The following NEMF variants were observed in gnomAD, a reference collection of about 807,000 sequenced individuals.
NEMF encodes the protein nuclear export mediator factor.
In NEMF, 89 loss-of-function variants were observed where a neutral mutation model predicts 162.2. The observed-to-expected ratio is 0.55, with a 90% CI of 0.46 to 0.65. The LOEUF is 0.65. NEMF is among the 30% of genes least tolerant of loss of function. The probability of loss-of-function intolerance (pLI) is 0.00; values close to 1 mark genes in which losing one functional copy is unlikely to be tolerated. For synonymous variants in NEMF, 421 were observed against 404.5 expected (o/e 1.04, Z -0.49); for missense variants, 1,133 against 1,261.9 (o/e 0.90, Z 1.55).
chr14:49,798,915 A>G (rs900287623), intron 25 of NEMF, among the ~76,000 whole-genome samples: 1 of 151,858 alleles, frequency 6.6e-6, no homozygotes, highest in African/African-American at 2.4e-5. Context: ...TCAAAAAAAA[A>G]GAAAATGTTA....
At chr14:49,800,317 G>A (rs1428790094) in intron 23 of NEMF, 103 bp downstream of exon 23, 2 of 863,320 alleles carry the variant, frequency 2.3e-6, no homozygotes, top group East Asian at 2.6e-5. Context: ...AGACAATGGA[G>A]TGTAAAAGTA....
intron 1 of NEMF, among the ~76,000 whole-genome samples, chr14:49,852,303 C>T (rs1227697785): frequency 6.6e-6 from 1 of 152,252 alleles, no homozygotes; most frequent in Non-Finnish European, 1.5e-5. Flanking sequence ...TGCTCTCTCT[C>T]TCTCTGGGGT....
rs902301516 is a variant in NEMF, at chr14:49,826,283, T to C, written c.1489-328A>G. Among the ~76,000 whole-genome samples the C allele has an allele frequency of 4.9e-4, 75 of 152,076 alleles. 1 individual carries two copies. Among genetic ancestry groups the C allele is most frequent in the African/African-American group, 1.7e-3 (72 of 41,398 alleles). On this transcript the variant is annotated intron_variant, in intron 15 of 32. Transcript: ENST00000298310. The stretch of plus-strand genomic sequence containing the variant: ...GTTCTAGGCTAGATGCCATTAGAGA[T>C]ATAAGAGTGAACAAGATGGACAAAG...
intron 4 of NEMF, among the ~76,000 whole-genome samples, chr14:49,844,431 C>T (rs183750924): frequency 4.1e-4 from 62 of 152,214 alleles, no homozygotes; most frequent in African/African-American, 1.5e-3. Context: ...CAGACCAGTT[C>T]CAGTCTGCGG....
At chr14:49,833,107 A>T (rs1036209056) in intron 8 of NEMF, among the ~76,000 whole-genome samples, 2 of 152,086 alleles carry the variant, frequency 1.3e-5, no homozygotes, top group African/African-American at 4.8e-5. Flanking sequence ...CTCTACTGAA[A>T]ATATAAAAAC....
chr14:49,782,609 A>T lies in NEMF; in HGVS notation c.*2027T>A. ...TCTCTTGTACGGTAAGTAACTTTGT[A>T]CTTGGCACTTAGATTATTTAAAATT... On this transcript the variant is annotated 3_prime_UTR_variant, in exon 33 of 33. Transcript: ENST00000298310. 1 of 1,579,668 alleles carries T rather than the reference A, an allele frequency of 6.3e-7. No individual in the cohort carries two copies. The highest frequency in any genetic ancestry group is 8.6e-7 in the Non-Finnish European group (1 of 1,156,496).
At chr14:49,835,424 C>T (rs1006931901) in intron 6 of NEMF, among the ~76,000 whole-genome samples, 7 of 152,110 alleles carry the variant, frequency 4.6e-5, no homozygotes, top group Non-Finnish European at 1.0e-4. Flanking sequence ...AGCCATATAT[C>T]ATTTCAATAG....
At chr14:49,818,523 G>A (rs995954409) in intron 16 of NEMF, 1 of 152,148 alleles carries the variant, frequency 6.6e-6, no homozygotes, top group African/African-American at 2.4e-5. Flanking sequence ...TTTAAGATGG[G>A]AATGAAAACA....
At chr14:49,804,597 C>G (rs933579489) in intron 19 of NEMF, among the ~76,000 whole-genome samples, 1 of 151,354 alleles carries the variant, frequency 6.6e-6, no homozygotes, top group Non-Finnish European at 1.5e-5. Context: ...ACCCAGGAGG[C>G]AGAGGTTGCA....
intron 25 of NEMF, among the ~76,000 whole-genome samples, chr14:49,799,235 G>GAAAAAAAAAAAA (rs1402728880): frequency 9.1e-5 from 5 of 54,966 alleles, no homozygotes; most frequent in Admixed American, 3.5e-4. Context: ...AAAAAAAAAG[G>GAAAAAAAAAAAA]AAAATGTTAA....
At chr14:49,822,008 AC>A (rs1892088152) in intron 16 of NEMF, among the ~76,000 whole-genome samples, 1 of 151,850 alleles carries the variant, frequency 6.6e-6, no homozygotes, top group Non-Finnish European at 1.5e-5. Flanking sequence ...CTATGACCTT[AC>A]CCCCAACCCT....
At chr14:49,833,586 G>A in intron 7 of NEMF, 90 bp from the exon 8 acceptor site, 1 of 765,684 alleles carries the variant, frequency 1.3e-6, no homozygotes, top group East Asian at 2.5e-5. Flanking sequence ...ACAGGAAAGT[G>A]CTTACAAAAT....
chr14:49,829,833 G>A (rs1289066257), intron 11 of NEMF, among the ~76,000 whole-genome samples: 5 of 152,054 alleles, frequency 3.3e-5, no homozygotes, highest in African/African-American at 1.2e-4. Context: ...GCTCTCCAAT[G>A]TCTGAGCTCA....
Position 49,852,737 on chromosome 14 carries a change from C to T in NEMF, c.17G>A (p.Ser6Asn). 1 of 1,614,262 alleles carries T rather than the reference C, an allele frequency of 6.2e-7. No individual in the cohort carries two copies. Among genetic ancestry groups the T allele is most frequent in the South Asian group, 1.1e-5 (1 of 91,088 alleles). MKSRF[S>N]TIDLRAVLAE... ...GAGTACGGCGCGGAGGTCAATGGTG[C>T]TAAAGCGGCTCTTCATGGCGAGGCC... The change falls in exon 1 of 33, where the codon AGC becomes AAC. Residue 6 changes from serine (S) to asparagine (N), a missense_variant. Physicochemically the swap from Ser to Asn is conservative, Grantham distance 46. Around this residue, in one of 3 missense-constraint regions of NEMF, gnomAD observed 582 missense variants for 631.5 expected, o/e 0.92. Transcript: ENST00000298310.
At chr14:49,810,271 G>A (rs2139890218) in intron 18 of NEMF, among the ~76,000 whole-genome samples, 1 of 152,110 alleles carries the variant, frequency 6.6e-6, no homozygotes, top group East Asian at 1.9e-4. Context: ...GGGAGGCTGA[G>A]GCAGGAGAAT....
chr14:49,842,936 G>A (rs994807218), intron 4 of NEMF, among the ~76,000 whole-genome samples: 1 of 151,148 alleles, frequency 6.6e-6, no homozygotes. Context: ...AACCCGGGAG[G>A]CGGAGGTTGC....
At chr14:49,793,624 G>A (rs915261163) in intron 26 of NEMF, among the ~76,000 whole-genome samples, 1 of 152,136 alleles carries the variant, frequency 6.6e-6, no homozygotes, top group African/African-American at 2.4e-5. Context: ...ATATTTCATT[G>A]TAAAAATGCA....
intron 18 of NEMF, among the ~76,000 whole-genome samples, chr14:49,811,542 A>G (rs1891477820): frequency 6.6e-6 from 1 of 152,188 alleles, no homozygotes; most frequent in African/African-American, 2.4e-5. Context: ...GAAGGTACCC[A>G]ATCTTTCAGC....
intron 28 of NEMF, chr14:49,787,030 G>T: frequency 3.3e-6 from 1 of 306,292 alleles, no homozygotes. Context: ...TTCATATAAA[G>T]TATATGTTAA....
Sources: allele counts gnomAD v4.1 joint callset (sites outside exome capture counted in the v4.1 genomes callset), GRCh38; gene constraint gnomAD v4.1.1; regional missense constraint gnomAD v4.1.1; transcripts MANE v1.5; gene names NCBI Gene and HGNC (gene_info 2026-07-23, HGNC 2026-07-21).